PRRT1B: variants seen among roughly 807,000 people sequenced by gnomAD.
PRRT1B encodes proline rich transmembrane protein 1B.
intron 2 of PRRT1B, among the ~76,000 whole-genome samples, chr9:131,555,734 G>A (rs1428588202): frequency 2.0e-5 from 3 of 152,142 alleles, no homozygotes; most frequent in Non-Finnish European, 4.4e-5. Context: ...TGGGCTGCCT[G>A]TGGGGGAAAG....
At chr9:131,549,736 G>A (rs1343196717) in intron 1 of PRRT1B, among the ~76,000 whole-genome samples, 1 of 152,134 alleles carries the variant, frequency 6.6e-6, no homozygotes, top group African/African-American at 2.4e-5. Context: ...GGTATTGACA[G>A]CCAGGCTTCT....
intron 1 of PRRT1B, among the ~76,000 whole-genome samples, chr9:131,546,031 GA>G (rs1367767101): frequency 1.3e-5 from 2 of 152,176 alleles, no homozygotes; most frequent in African/African-American, 2.4e-5. Flanking sequence ...AGCTGCTGTG[GA>G]AAGTTCAGGA....
At chr9:131,555,565 A>G (rs1382236187) in intron 2 of PRRT1B, among the ~76,000 whole-genome samples, 5 of 152,112 alleles carry the variant, frequency 3.3e-5, no homozygotes, top group Non-Finnish European at 5.9e-5. Context: ...AGCCCCAGCT[A>G]TTCTTGAGGC....
exon 2 of PRRT1B, chr9:131,554,835 G>C: frequency 2.7e-6 from 1 of 368,934 alleles, no homozygotes; most frequent in Non-Finnish European, 4.8e-6. Flanking sequence ...CGGCTTCGTT[G>C]GGGAGCCCCC....
chr9:131,546,402 T>C (rs1164048874), intron 1 of PRRT1B, among the ~76,000 whole-genome samples: 1 of 151,846 alleles, frequency 6.6e-6, no homozygotes, highest in Non-Finnish European at 1.5e-5. Flanking sequence ...CGTCAGGCGC[T>C]GGAAGGGGCG....
chr9:131,559,347 G>T (rs1285575491), downstream of PRRT1B, among the ~76,000 whole-genome samples: 1 of 152,228 alleles, frequency 6.6e-6, no homozygotes. Flanking sequence ...GGAGGCTGAG[G>T]CAGGAGAATT....
chr9:131,551,146 G>C lies in PRRT1B; in HGVS notation c.26-3411G>C, dbSNP rs1951009704. Among the ~76,000 whole-genome samples, 1 of 151,774 alleles carries C rather than the reference G, an allele frequency of 6.6e-6. No homozygotes were observed. The stretch of plus-strand genomic sequence containing the variant: ...TTTAGTAGAGACGGGGTTACACCGT[G>C]TTAGCCAGGATGGTCTCAATCTCCT... On this transcript the variant is annotated intron_variant, in intron 1 of 3. Transcript: ENST00000636672. The surrounding 1 kb of genome is among the most constrained non-coding windows in gnomAD (Gnocchi z 4.4).
chr9:131,545,774 G>A (rs1311436319), intron 1 of PRRT1B, 134 bp downstream of exon 1: 4 of 401,262 alleles, frequency 1.0e-5, no homozygotes, highest in East Asian at 7.1e-5. Context: ...CTGGCGGAGC[G>A]GGTGCTGGAG....
At chr9:131,550,862 C>A (rs1261330819) in intron 1 of PRRT1B, among the ~76,000 whole-genome samples, 4 of 151,680 alleles carry the variant, frequency 2.6e-5, no homozygotes, top group African/African-American at 9.7e-5. Context: ...AATTCTTAGT[C>A]ATTTAATACC....
chr9:131,550,946 T>C lies in PRRT1B; in HGVS notation c.26-3611T>C, dbSNP rs1226552392. Among the ~76,000 whole-genome samples the C allele has an allele frequency of 2.5e-3, 344 of 136,248 alleles. 1 individual carries two copies. Among genetic ancestry groups the C allele is most frequent in the Non-Finnish European group, 4.5e-3 (284 of 63,462 alleles). The allele number at this position is 136,248 out of a possible 152,430, so 89.4% of individuals were successfully genotyped here. A position where few individuals can be genotyped will look rare whatever the true frequency, so the allele number is the denominator to read the frequency against. On this transcript the variant is annotated intron_variant, in intron 1 of 3. Coordinates refer to ENST00000636672, the Ensembl canonical transcript of PRRT1B. ...TCTTTTTCTTTTCTTTTTCTTTTTT[T>C]TTTTTTTTTTTTTTGAGACAGAGTC...
At chr9:131,549,185 G>C (rs1392800132) in intron 1 of PRRT1B, among the ~76,000 whole-genome samples, 22 of 152,184 alleles carry the variant, frequency 1.4e-4, no homozygotes, top group Non-Finnish European at 3.2e-4. Context: ...TTGCCTTCAA[G>C]GTGTACAATA....
At chr9:131,547,839 T>C (rs1007484847) in intron 1 of PRRT1B, among the ~76,000 whole-genome samples, 1 of 152,218 alleles carries the variant, frequency 6.6e-6, no homozygotes, top group Non-Finnish European at 1.5e-5. Flanking sequence ...CCTTTCAGTC[T>C]TGGTGCCACA....
rs1039795230 is a variant in PRRT1B at position 131,551,979 on chromosome 9, G to C, written c.26-2578G>C. Among the ~76,000 whole-genome samples, 7 of 152,162 alleles carry C rather than the reference G, an allele frequency of 4.6e-5. No homozygotes were observed. The highest frequency in any genetic ancestry group is 1.0e-4 in the Non-Finnish European group (7 of 68,048). Reference sequence around the variant, plus strand: ...GGCTAATTTTTGTATTTTTAGTAGAGACGAGGTGTCACTGTGTTGGCCAGG... The same window carrying C: ...GGCTAATTTTTGTATTTTTAGTAGACACGAGGTGTCACTGTGTTGGCCAGG... On this transcript the variant is annotated intron_variant, in intron 1 of 3. Transcript: ENST00000636672. The surrounding 1 kb of genome is among the most constrained non-coding windows in gnomAD (Gnocchi z 4.4).
chr9:131,557,451 T>C (rs760997566), intron 3 of PRRT1B, among the ~76,000 whole-genome samples: 2 of 152,118 alleles, frequency 1.3e-5, no homozygotes, highest in Non-Finnish European at 2.9e-5. Context: ...GACAGGAGAA[T>C]CACTTGAATC....
downstream of PRRT1B, among the ~76,000 whole-genome samples, chr9:131,558,793 G>T (rs1371210344): frequency 6.6e-6 from 1 of 152,146 alleles, no homozygotes; most frequent in Non-Finnish European, 1.5e-5. Flanking sequence ...ACTCTGTCTG[G>T]TCAATCAACA....
downstream of PRRT1B, among the ~76,000 whole-genome samples, chr9:131,559,348 CAGG>C (rs1457930505): frequency 2.6e-5 from 4 of 152,178 alleles, no homozygotes; most frequent in Admixed American, 2.6e-4. Context: ...GAGGCTGAGG[CAGG>C]AGAATTGCTT....
At chr9:131,545,782 G>C (rs1264758939) in intron 1 of PRRT1B, 142 bp downstream of exon 1, 4 of 401,980 alleles carry the variant, frequency 1.0e-5, no homozygotes, top group Middle Eastern at 6.2e-4. Flanking sequence ...GCGGGTGCTG[G>C]AGGGGGTGTA....
At chr9:131,545,606 G>A (rs1215938509) in exon 1 of PRRT1B, 3 of 398,756 alleles carry the variant, frequency 7.5e-6, no homozygotes, top group Non-Finnish European at 1.3e-5. Flanking sequence ...AGCCGCCGCG[G>A]GCTCGGACCA....
chr9:131,555,367 G>C (rs1951042366), intron 2 of PRRT1B, among the ~76,000 whole-genome samples: 2 of 152,114 alleles, frequency 1.3e-5, no homozygotes, highest in African/African-American at 4.8e-5. Flanking sequence ...GAGGTGACTT[G>C]ATTAGATTTT....
Sources: gnomAD v4.1 joint callset for allele counts (sites outside exome capture counted in the v4.1 genomes callset) on GRCh38, gnomAD v4.1.1 for gene constraint, Gnocchi (gnomAD v3.1) non-coding constraint, MANE v1.5 for transcripts, NCBI Gene and HGNC (gene_info 2026-07-23, HGNC 2026-07-21) for gene names.